The following ASPRV1 variants were observed in gnomAD, a reference collection of about 807,000 sequenced individuals.
The protein encoded by ASPRV1 is aspartic peptidase retroviral like 1.
A neutral mutation model predicts 11.0 loss-of-function variants in ASPRV1; 7 were observed. That is an observed-to-expected ratio of 0.64 (90% CI 0.36 to 1.20). The LOEUF is 1.20. Ranked by LOEUF, ASPRV1 falls within the 50% of genes most tolerant of loss-of-function variation. The pLI, the probability that ASPRV1 is intolerant of heterozygous loss-of-function variation, is 0.02. For missense variants in ASPRV1, 299 were observed against 320.0 expected (o/e 0.93, Z 0.50); for synonymous variants, 136 against 138.4 (o/e 0.98, Z 0.12).
the ASPRV1 span, among the ~76,000 whole-genome samples, chr2:69,990,562 C>T: frequency 2.0e-5 from 3 of 152,156 alleles, no homozygotes; most frequent in Admixed American, 6.5e-5. Flanking sequence ...ACTGTAGCCT[C>T]GACATCTAGG....
the ASPRV1 span, chr2:69,938,356 G>GCC: frequency 6.7e-7 from 1 of 1,482,990 alleles, no homozygotes; most frequent in Non-Finnish European, 9.2e-7. Context: ...TATTGGACCT[G>GCC]CCCACAACTC....
the ASPRV1 span, among the ~76,000 whole-genome samples, chr2:70,059,252 T>C: frequency 2.7e-5 from 4 of 148,620 alleles, no homozygotes; most frequent in Non-Finnish European, 5.9e-5. Context: ...TGCTGATTGG[T>C]TTTCTTTTTT....
chr2:70,025,436 G>A, the ASPRV1 span, among the ~76,000 whole-genome samples: 1 of 152,054 alleles, frequency 6.6e-6, no homozygotes, highest in Admixed American at 6.5e-5. Flanking sequence ...GGAGGAGGAG[G>A]AGGAGGAAGA....
At chr2:69,970,702 G>A in the ASPRV1 span, 2 of 152,300 alleles carry the variant, frequency 1.3e-5, no homozygotes, top group Admixed American at 1.3e-4. Flanking sequence ...AAGTCCCGGT[G>A]TTTCTTGGCC....
At chr2:70,008,162 T>C in the ASPRV1 span, among the ~76,000 whole-genome samples, 1 of 151,988 alleles carries the variant, frequency 6.6e-6, no homozygotes, top group African/African-American at 2.4e-5. Context: ...ATAATATTCA[T>C]CTTTTGAATG....
At chr2:70,070,035 C>A in the ASPRV1 span, among the ~76,000 whole-genome samples, 1 of 151,892 alleles carries the variant, frequency 6.6e-6, no homozygotes, top group African/African-American at 2.4e-5. Context: ...AAAAATGAGC[C>A]AGGCGTGGTG....
At chr2:70,048,712 C>G in the ASPRV1 span, 1 of 152,598 alleles carries the variant, frequency 6.6e-6, no homozygotes, top group Non-Finnish European at 1.5e-5. Context: ...GAAATTTATT[C>G]TCTTGCAGTT....
the ASPRV1 span, among the ~76,000 whole-genome samples, chr2:69,977,528 C>T: frequency 6.6e-6 from 1 of 152,128 alleles, no homozygotes; most frequent in East Asian, 1.9e-4. Context: ...TGACCTTGGG[C>T]GAGGTCCTCT....
At chr2:70,008,204 T>C in the ASPRV1 span, among the ~76,000 whole-genome samples, 1 of 152,074 alleles carries the variant, frequency 6.6e-6, no homozygotes, top group African/African-American at 2.4e-5. Flanking sequence ...TCATTTCCGC[T>C]GCTGTGGAAA....
chr2:70,036,569 A>T, the ASPRV1 span, among the ~76,000 whole-genome samples: 1 of 152,236 alleles, frequency 6.6e-6, no homozygotes, highest in Non-Finnish European at 1.5e-5. Context: ...GTCTACACCA[A>T]AATTGGAAGT....
At chr2:69,984,778 G>A in the ASPRV1 span, among the ~76,000 whole-genome samples, 7 of 150,738 alleles carry the variant, frequency 4.6e-5, no homozygotes, top group East Asian at 7.8e-4. Flanking sequence ...CTGGCACCAC[G>A]CCCAGTTTTT....
chr2:69,961,652 C>A (rs927263390), upstream of ASPRV1: 6 of 1,572,810 alleles, frequency 3.8e-6, no homozygotes, highest in South Asian at 7.0e-5. Flanking sequence ...CTCTGCAGAG[C>A]CTTTTTGATG....
the ASPRV1 span, among the ~76,000 whole-genome samples, chr2:70,025,667 T>TCTAC: frequency 6.6e-6 from 1 of 152,196 alleles, no homozygotes; most frequent in Non-Finnish European, 1.5e-5. Flanking sequence ...TGGTAAACCA[T>TCTAC]CTACCTTGCT....
At chr2:69,988,996 T>C in the ASPRV1 span, among the ~76,000 whole-genome samples, 733 of 152,348 alleles carry the variant, frequency 4.8e-3, 4 homozygotes, top group Non-Finnish European at 7.5e-3. Context: ...ACTTTTTTTT[T>C]CCTAAACCAC....
chr2:70,086,348 G>A, the ASPRV1 span: 1 of 152,282 alleles, frequency 6.6e-6, no homozygotes, highest in African/African-American at 2.4e-5. Context: ...CTTTCCCTGA[G>A]AGATTGTGAA....
the ASPRV1 span, among the ~76,000 whole-genome samples, chr2:70,059,260 T>C: frequency 3.1e-4 from 47 of 150,728 alleles, no homozygotes; most frequent in Admixed American, 1.2e-3. Context: ...GGTTTTCTTT[T>C]TTTTTTTTTT....
At chr2:70,059,256 C>CT in the ASPRV1 span, among the ~76,000 whole-genome samples, 2,366 of 112,188 alleles carry the variant, frequency 0.021, 49 homozygotes, top group African/African-American at 0.054. Context: ...GATTGGTTTT[C>CT]TTTTTTTTTT....
At chr2:69,986,115 G>C in the ASPRV1 span, among the ~76,000 whole-genome samples, 2 of 152,198 alleles carry the variant, frequency 1.3e-5, no homozygotes, top group South Asian at 4.1e-4. Context: ...TCAGACTGTT[G>C]AGTGGGACAC....
chr2:69,961,981 G>C, upstream of ASPRV1: 1 of 352,194 alleles, frequency 2.8e-6, no homozygotes, highest in Admixed American at 4.3e-5. Context: ...TCAGAGACCG[G>C]GGAAGCCGCC....
Sources: allele counts gnomAD v4.1 joint callset (sites outside exome capture counted in the v4.1 genomes callset), GRCh38; gene constraint gnomAD v4.1.1; transcripts MANE v1.5; gene names NCBI Gene and HGNC (gene_info 2026-07-23, HGNC 2026-07-21).